The following CAMTA1 variants were observed in gnomAD, a reference collection of about 807,000 sequenced individuals.
The protein encoded by CAMTA1 is calmodulin-binding transcription activator 1.
In CAMTA1, 27 loss-of-function variants were observed where a neutral mutation model predicts 170.9. That is an observed-to-expected ratio of 0.16 (90% confidence interval 0.12 to 0.22). CAMTA1 has a LOEUF of 0.22. CAMTA1 is among the 10% of genes least tolerant of loss of function. The pLI, the probability that CAMTA1 is intolerant of heterozygous loss-of-function variation, is 1.00. For missense variants in CAMTA1, 1,619 were observed against 2,217.2 expected (o/e 0.73, Z 5.42); for synonymous variants, 833 against 891.5 (o/e 0.93, Z 1.17).
chr1:7,296,184 C>A (rs2149525795), intron 5 of CAMTA1, among the ~76,000 whole-genome samples: 1 of 152,320 alleles, frequency 6.6e-6, no homozygotes, highest in East Asian at 1.9e-4. Context: ...AGAGAGTGAA[C>A]ACGCCAGGGA....
At chr1:7,638,093 C>T (rs1223741487) in intron 6 of CAMTA1, among the ~76,000 whole-genome samples, 1 of 152,116 alleles carries the variant, frequency 6.6e-6, no homozygotes, top group Non-Finnish European at 1.5e-5. Context: ...TTGATTGATT[C>T]ATATATTCAT....
intron 6 of CAMTA1, among the ~76,000 whole-genome samples, chr1:7,601,071 G>A (rs1009473030): frequency 1.9e-4 from 29 of 151,854 alleles, no homozygotes; most frequent in African/African-American, 7.0e-4. Context: ...GGGCAGAGGT[G>A]CCCCTCACCT....
intron 1 of CAMTA1, among the ~76,000 whole-genome samples, chr1:6,796,837 C>T (rs114335619): frequency 0.015 from 2,310 of 152,228 alleles, 60 homozygotes; most frequent in African/African-American, 0.052. Context: ...GCTAAGCCTC[C>T]GGCCCATAGT....
At chr1:7,548,565 G>T (rs552152087) in intron 6 of CAMTA1, among the ~76,000 whole-genome samples, 1 of 150,966 alleles carries the variant, frequency 6.6e-6, no homozygotes, top group East Asian at 2.0e-4. Flanking sequence ...TGCCCCTTAG[G>T]GGTGGAGGTG....
intron 5 of CAMTA1, among the ~76,000 whole-genome samples, chr1:7,421,465 T>A (rs1193089274): frequency 2.0e-5 from 3 of 152,212 alleles, no homozygotes; most frequent in Non-Finnish European, 4.4e-5. Flanking sequence ...ATTGGTTGAA[T>A]ATTTTTAACC....
At position 7,249,272 on chromosome 1, in the gene CAMTA1, T is replaced by C. The variant is rs761466187; in HGVS notation, c.303-219T>C. On this transcript the variant is annotated intron_variant, in intron 4 of 22. Transcript: ENST00000303635. The surrounding 1 kb of genome is among the most constrained non-coding windows in gnomAD (Gnocchi z 4.4). ...AGGGGATGTTTTTTAAGCCTATCAT[T>C]GACACATTTAATTCATTAGGTACCA... Among the ~76,000 whole-genome samples, 13 of 152,190 alleles carry C rather than the reference T, an allele frequency of 8.5e-5. No homozygotes were observed. The highest frequency in any genetic ancestry group is 1.6e-4 in the Non-Finnish European group (11 of 68,036).
chr1:7,571,353 G>A (rs114216678), intron 6 of CAMTA1, among the ~76,000 whole-genome samples: 254 of 152,268 alleles, frequency 1.7e-3, no homozygotes, highest in African/African-American at 5.9e-3. Flanking sequence ...GTTTATTTTA[G>A]GTTCGGGGTA....
chr1:7,520,504 C>T (rs2094351175), intron 6 of CAMTA1, among the ~76,000 whole-genome samples: 1 of 151,666 alleles, frequency 6.6e-6, no homozygotes, highest in South Asian at 2.1e-4. Flanking sequence ...GTGCCACAGG[C>T]AGACATGGAT....
rs1169680770 is a variant in CAMTA1, at chr1:7,325,289, G to GA, written c.438+75665dup. Among the ~76,000 whole-genome samples the GA allele has an allele frequency of 1.3e-5, 2 of 152,204 alleles. No individual in the cohort carries two copies. The highest frequency in any genetic ancestry group is 2.9e-5 in the Non-Finnish European group (2 of 68,030). ...GGGTCATGACTGGGAGAAAAAGGTA[G>GA]AACAAGATAGGGAGGCTGGGAATGC... On this transcript the variant is annotated intron_variant, in intron 5 of 22. Transcript: ENST00000303635. This position sits in a 1 kb window ranked among gnomAD's most constrained non-coding sequence, Gnocchi z 5.0.
chr1:6,938,544 A>C (rs113881708), intron 3 of CAMTA1, among the ~76,000 whole-genome samples: 1 of 152,152 alleles, frequency 6.6e-6, no homozygotes, highest in Non-Finnish European at 1.5e-5. Context: ...GAAGTCAACC[A>C]TGCTGTCCTC....
At chr1:7,706,921 C>T (rs943733785) in intron 11 of CAMTA1, among the ~76,000 whole-genome samples, 1 of 134,066 alleles carries the variant, frequency 7.5e-6, no homozygotes, top group African/African-American at 2.8e-5. Flanking sequence ...GAGTCTCGCT[C>T]TGTTGCCCAG....
At chr1:7,046,389 G>A (rs996618169) in intron 3 of CAMTA1, among the ~76,000 whole-genome samples, 2 of 152,206 alleles carry the variant, frequency 1.3e-5, no homozygotes, top group Non-Finnish European at 2.9e-5. Context: ...AACTCCCAAA[G>A]GGTCTCCCAG....
intron 3 of CAMTA1, among the ~76,000 whole-genome samples, chr1:6,838,942 A>G (rs1181722640): frequency 6.6e-6 from 1 of 152,034 alleles, no homozygotes; most frequent in Non-Finnish European, 1.5e-5. Context: ...TTTTTTGTGG[A>G]GACAGGATCT....
At position 7,293,729 on chromosome 1, in the gene CAMTA1, A is replaced by G; in HGVS notation, c.438+44103A>G. 6.6e-6 allele frequency among the ~76,000 whole-genome samples: 1 copy of G among 152,086 alleles called. No homozygotes were observed. Among genetic ancestry groups the G allele is most frequent in the African/African-American group, 2.4e-5 (1 of 41,422 alleles). ...TTATCCCAGCTTAATGCTTCAAGTT[A>G]TTGGGGTTCCCCTGGGGAGCATCTT... is the stretch of plus-strand genomic sequence containing the variant. On this transcript the variant is annotated intron_variant, in intron 5 of 22. Coordinates refer to ENST00000303635, the MANE Select transcript of CAMTA1 (RefSeq NM_015215.4). The surrounding 1 kb of genome is among the most constrained non-coding windows in gnomAD (Gnocchi z 4.1).
chr1:7,117,553 C>G lies in CAMTA1; in HGVS notation c.302+26182C>G, dbSNP rs565004268. 3.3e-5 allele frequency among the ~76,000 whole-genome samples: 5 copies of G among 152,214 alleles called. No individual in the cohort carries two copies. In the South Asian group the frequency reaches 1.0e-3, roughly 32 times the overall value. ...TCCTGCCATGGATGACTTCCAGTTA[C>G]CAGTGATTAAATAACCTAACTGGCT... On this transcript the variant is annotated intron_variant, in intron 4 of 22. Transcript: ENST00000303635.
intron 6 of CAMTA1, among the ~76,000 whole-genome samples, chr1:7,526,272 G>A (rs1249004841): frequency 1.3e-5 from 2 of 151,950 alleles, no homozygotes; most frequent in Non-Finnish European, 2.9e-5. Context: ...CTGGAGGCTG[G>A]AGTTCCAGTC....
chr1:7,627,646 C>T (rs2095642301), intron 6 of CAMTA1, among the ~76,000 whole-genome samples: 1 of 152,220 alleles, frequency 6.6e-6, no homozygotes, highest in South Asian at 2.1e-4. Context: ...GAACCTAAGG[C>T]AGTTGTCTCT....
intron 5 of CAMTA1, among the ~76,000 whole-genome samples, chr1:7,280,664 T>C (rs1334990744): frequency 6.6e-6 from 1 of 152,256 alleles, no homozygotes; most frequent in Admixed American, 6.5e-5. Context: ...GTTTAATAAA[T>C]AGCACAAATG....
rs1194415621 is a variant in CAMTA1, at chr1:7,064,870, C to G, written c.235-26434C>G. Among the ~76,000 whole-genome samples the G allele has an allele frequency of 6.6e-6, 1 of 151,856 alleles. No individual in the cohort carries two copies. Among genetic ancestry groups the G allele is most frequent in the Non-Finnish European group, 1.5e-5 (1 of 67,968 alleles). On this transcript the variant is annotated intron_variant, in intron 3 of 22. Coordinates refer to ENST00000303635, the MANE Select transcript of CAMTA1 (RefSeq NM_015215.4). This position sits in a 1 kb window ranked among gnomAD's most constrained non-coding sequence, Gnocchi z 5.4. ...TGGGTGACTCCTGCTGCCATCTAGG[C>G]AAGACATGGCAGCCACTTAGATGAG...
Sources: allele counts gnomAD v4.1 joint callset (sites outside exome capture counted in the v4.1 genomes callset), GRCh38; gene constraint gnomAD v4.1.1; non-coding constraint Gnocchi (gnomAD v3.1); transcripts MANE v1.5; gene names NCBI Gene and HGNC (gene_info 2026-07-23, HGNC 2026-07-21).